The following ZNF90 variants were observed in gnomAD, a reference collection of about 807,000 sequenced individuals.
ZNF90 encodes the protein zinc finger protein 90.
Under a neutral mutation model 12.0 loss-of-function variants are expected in ZNF90, and 11 were observed. The observed-to-expected ratio is 0.92, with a 90% CI of 0.58 to 1.52. The LOEUF is 1.52. Ranked by LOEUF, ZNF90 falls within the 40% of genes most tolerant of loss-of-function variation. ZNF90 has a pLI of 0.00. For synonymous variants in ZNF90, 232 were observed against 240.1 expected, an observed-to-expected ratio of 0.97 and a Z score of 0.31; for missense variants, 765 against 711.5, an observed-to-expected ratio of 1.08 and a Z score of -0.86.
At chr19:20,096,294 C>A (rs1164598855) in intron 1 of ZNF90, among the ~76,000 whole-genome samples, 1 of 152,202 alleles carries the variant, frequency 6.6e-6, no homozygotes, top group East Asian at 1.9e-4. Flanking sequence ...GGGGATTGAT[C>A]TCCCAAGGGA....
chr19:20,106,002 A>C (rs1285082891), intron 3 of ZNF90, among the ~76,000 whole-genome samples: 4 of 149,268 alleles, frequency 2.7e-5, no homozygotes, highest in Non-Finnish European at 4.4e-5. Flanking sequence ...ATCTATAGAC[A>C]TAAAATATTT....
At chr19:20,103,936 C>T (rs1555704112) in intron 1 of ZNF90, among the ~76,000 whole-genome samples, 1 of 152,154 alleles carries the variant, frequency 6.6e-6, no homozygotes, top group Non-Finnish European at 1.5e-5. Flanking sequence ...ACAACTCATT[C>T]CGTATGATCT....
intron 1 of ZNF90, chr19:20,080,088 A>C (rs925919849): frequency 5.5e-6 from 2 of 361,898 alleles, no homozygotes; most frequent in African/African-American, 4.3e-5. Flanking sequence ...GGCATGCACC[A>C]CCACACCTGG....
At chr19:20,102,773 C>T (rs2088999975) in intron 1 of ZNF90, among the ~76,000 whole-genome samples, 1 of 152,124 alleles carries the variant, frequency 6.6e-6, no homozygotes, top group African/African-American at 2.4e-5. Flanking sequence ...GTTCCATTAG[C>T]TCTATGCAGA....
At chr19:20,087,874 A>G (rs8101545) in intron 1 of ZNF90, among the ~76,000 whole-genome samples, 12,335 of 152,006 alleles carry the variant, frequency 0.081, 837 homozygotes, top group East Asian at 0.23. Context: ...TCTCTGGTGG[A>G]CAGGAATGGG....
At chr19:20,105,802 A>C (rs2089031056) in intron 3 of ZNF90, among the ~76,000 whole-genome samples, 1 of 152,096 alleles carries the variant, frequency 6.6e-6, no homozygotes, top group African/African-American at 2.4e-5. Flanking sequence ...TATAAGTATG[A>C]TATACTTCTG....
In ZNF90 at chr19:20,118,793, T is replaced by G; in HGVS notation, c.1239T>G (p.Thr413=). The G allele has an allele frequency of 6.2e-7, 1 of 1,605,904 alleles. No homozygotes were observed. The highest frequency in any genetic ancestry group is 8.5e-7 in the Non-Finnish European group (1 of 1,176,010). The stretch of plus-strand genomic sequence containing the variant: ...CCTTCAAGCGCTCCTCAACACTTAC[T>G]ATACATAAGATAAGTCATACTGAAG... ...GKAFKRSSTL[T]IHKISHTEEK... Residue 413 remains threonine, a synonymous_variant, in exon 4 of 4, where the codon ACT becomes ACG. Transcript: ENST00000418063.
At chr19:20,084,997 A>G (rs2088847526) in intron 1 of ZNF90, among the ~76,000 whole-genome samples, 2 of 151,918 alleles carry the variant, frequency 1.3e-5, no homozygotes, top group Admixed American at 6.6e-5. Flanking sequence ...CCCAGTTTTT[A>G]TGTCTAGAAT....
chr19:20,115,268 AC>A (rs1194123705), intron 3 of ZNF90, among the ~76,000 whole-genome samples: 1 of 152,110 alleles, frequency 6.6e-6, no homozygotes, highest in African/African-American at 2.4e-5. Context: ...TTTTTAATAA[AC>A]TTTTTTATTG....
chr19:20,092,610 C>T (rs1555702834), intron 1 of ZNF90, among the ~76,000 whole-genome samples: 1 of 152,100 alleles, frequency 6.6e-6, no homozygotes, highest in African/African-American at 2.4e-5. Flanking sequence ...GTTAGGTTGG[C>T]AAAACCAGGT....
At chr19:20,107,222 G>A (rs1599650395) in intron 3 of ZNF90, 2 of 315,504 alleles carry the variant, frequency 6.3e-6, no homozygotes, top group East Asian at 8.5e-5. Flanking sequence ...CTATAATTGG[G>A]TGCCTTTCTC....
At chr19:20,103,033 A>G (rs1054392330) in intron 1 of ZNF90, among the ~76,000 whole-genome samples, 1 of 152,190 alleles carries the variant, frequency 6.6e-6, no homozygotes. Flanking sequence ...ACCAAACACC[A>G]GGTCGTGGGG....
rs189852249 is a variant in ZNF90, at chr19:20,095,566, G to A, written c.4-8673G>A. On this transcript the variant is annotated intron_variant, in intron 1 of 3. Transcript: ENST00000418063. ...TACCCTCCAGAAAAGCAGGAAGGGG[G>A]GTCAGGGCATGGAAATAAGGGATTG... Among the ~76,000 whole-genome samples the A allele has an allele frequency of 4.6e-5, 7 of 152,092 alleles. No individual in the cohort carries two copies. The East Asian group carries it at 1.2e-3, about 25-fold the overall frequency.
intron 1 of ZNF90, chr19:20,080,145 T>A (rs2088809003): frequency 2.4e-6 from 1 of 415,944 alleles, no homozygotes; most frequent in Admixed American, 3.4e-5. Context: ...ATGTTGAGGC[T>A]GCAAGAATTG....
intron 1 of ZNF90, among the ~76,000 whole-genome samples, chr19:20,103,920 A>G (rs1555704111): frequency 2.0e-5 from 3 of 152,220 alleles, no homozygotes; most frequent in African/African-American, 7.2e-5. Context: ...TGTCTGAAAA[A>G]TATTCACAAC....
chr19:20,079,918 TC>T, intron 1 of ZNF90: 1 of 420,272 alleles, frequency 2.4e-6, no homozygotes, highest in South Asian at 1.8e-5. Flanking sequence ...GCATTCTTTT[TC>T]CTTTCATCGT....
chr19:20,102,462 T>C (rs1015323809), intron 1 of ZNF90, among the ~76,000 whole-genome samples: 1 of 152,170 alleles, frequency 6.6e-6, no homozygotes. Context: ...GACACAGCAA[T>C]AGGGACTAGT....
chr19:20,099,189 T>A (rs2122499067), intron 1 of ZNF90, among the ~76,000 whole-genome samples: 1 of 152,284 alleles, frequency 6.6e-6, no homozygotes, highest in Admixed American at 6.5e-5. Flanking sequence ...GCTTTTTTTT[T>A]TTGAGATGGT....
chr19:20,089,105 G>T (rs1358007795), intron 1 of ZNF90, among the ~76,000 whole-genome samples: 1 of 152,170 alleles, frequency 6.6e-6, no homozygotes, highest in Non-Finnish European at 1.5e-5. Flanking sequence ...GCTGAAAGGG[G>T]TGTCTTGTAC....
Sources: gnomAD v4.1 joint callset for allele counts (sites outside exome capture counted in the v4.1 genomes callset) on GRCh38, gnomAD v4.1.1 for gene constraint, MANE v1.5 for transcripts, NCBI Gene and HGNC (gene_info 2026-07-23, HGNC 2026-07-21) for gene names.